Variants in UBE4B observed in about 807,000 individuals in gnomAD.
The protein encoded by UBE4B is ubiquitin conjugation factor E4 B.
UBE4B carries 27 observed loss-of-function variants against 148.1 expected under a neutral mutation model. That is an observed-to-expected ratio of 0.18 (90% CI 0.13 to 0.25). UBE4B has a LOEUF of 0.25. UBE4B is among the 10% of genes least tolerant of loss of function. The pLI is 1.00. For synonymous variants in UBE4B, 596 were observed against 619.3 expected (o/e 0.96, Z 0.56); for missense variants, 1,170 against 1,662.4 (o/e 0.70, Z 5.15).
At chr1:10,140,915 A>G (rs1398618390) in intron 17 of UBE4B, among the ~76,000 whole-genome samples, 1 of 152,210 alleles carries the variant, frequency 6.6e-6, no homozygotes, top group East Asian at 1.9e-4. Flanking sequence ...TTCATTCAGT[A>G]TAGGTCACTG....
In UBE4B at chr1:10,039,275, C is replaced by T. The variant is rs140360856; in HGVS notation, c.24+5581C>T. On this transcript the variant is annotated intron_variant, in intron 1 of 27. Coordinates refer to ENST00000343090, the MANE Select transcript of UBE4B (RefSeq NM_001105562.3). ...ACTTTCAAGAAAAAGTGATACTTAA[C>T]GCTGAGTAGCAGTTGCCCTGGGAAC... 9.6e-4 allele frequency among the ~76,000 whole-genome samples: 146 copies of T among 152,156 alleles called. 3 individuals are homozygous for T. The highest frequency in any genetic ancestry group is 9.4e-4 in the Non-Finnish European group (64 of 68,016).
At chr1:10,065,113 C>G (rs1644363502) in intron 1 of UBE4B, among the ~76,000 whole-genome samples, 1 of 152,110 alleles carries the variant, frequency 6.6e-6, no homozygotes, top group Non-Finnish European at 1.5e-5. Context: ...CTAGATTCAT[C>G]AGTTTATTTT....
chr1:10,139,729 T>C (rs1645755665), intron 17 of UBE4B, among the ~76,000 whole-genome samples: 1 of 152,170 alleles, frequency 6.6e-6, no homozygotes, highest in Non-Finnish European at 1.5e-5. Context: ...TTTATTTTAG[T>C]TTTTGAGAGG....
intron 20 of UBE4B, among the ~76,000 whole-genome samples, chr1:10,149,840 G>A (rs976716926): frequency 6.6e-6 from 1 of 152,070 alleles, no homozygotes; most frequent in Non-Finnish European, 1.5e-5. Context: ...TGAGGGAGTG[G>A]TATGTGAAGT....
chr1:10,151,926 C>G (rs897912300), intron 21 of UBE4B, among the ~76,000 whole-genome samples: 3 of 152,066 alleles, frequency 2.0e-5, no homozygotes, highest in Non-Finnish European at 4.4e-5. Flanking sequence ...CTATAACCCA[C>G]TTTCCAAAGT....
rs72859578 is a variant in UBE4B, at chr1:10,033,012, G to A, written c.-659G>A. 6.6e-6 allele frequency: 1 copy of A among 152,214 alleles called. No homozygotes were observed. The highest frequency in any genetic ancestry group is 1.5e-5 in the Non-Finnish European group (1 of 68,052). The allele number at this position is 152,214 out of a possible 1,614,324, so 9.4% of individuals were successfully genotyped here. A position where few individuals can be genotyped will look rare whatever the true frequency, so the allele number is the denominator to read the frequency against. ...TGATGAATAATACTTGGTGGGGCGAGGGGGAAAGAGTAGGGGTGGAGGGGT... is the reference window on the plus strand; with the variant it reads ...TGATGAATAATACTTGGTGGGGCGAAGGGGAAAGAGTAGGGGTGGAGGGGT... On this transcript the variant is annotated 5_prime_UTR_variant, in exon 1 of 28. Coordinates refer to ENST00000343090, the MANE Select transcript of UBE4B (RefSeq NM_001105562.3).
At chr1:10,145,599 C>CA (rs1289835140) in intron 18 of UBE4B, 4,613 of 145,908 alleles carry the variant, frequency 0.032, 228 homozygotes, top group African/African-American at 0.11. Context: ...GACTCCGTCT[C>CA]AAAAAAAAAA....
intron 21 of UBE4B, 118 bp downstream of exon 21, chr1:10,151,679 G>T: frequency 1.2e-6 from 1 of 862,662 alleles, no homozygotes; most frequent in Non-Finnish European, 1.8e-6. Context: ...TGTGTGTATA[G>T]CCTACTAACC....
intron 1 of UBE4B, among the ~76,000 whole-genome samples, chr1:10,045,842 A>C (rs1293473031): frequency 6.6e-6 from 1 of 152,162 alleles, no homozygotes; most frequent in African/African-American, 2.4e-5. Flanking sequence ...TTGCATGTGG[A>C]GTATGAAAGA....
chr1:10,169,879 G>T (rs1464472122), intron 24 of UBE4B, among the ~76,000 whole-genome samples: 1 of 152,200 alleles, frequency 6.6e-6, no homozygotes, highest in African/African-American at 2.4e-5. Flanking sequence ...GCCAGGCGTG[G>T]TAGTGCATGC....
chr1:10,107,291 A>T (rs1318198263), intron 7 of UBE4B: 7 of 1,289,402 alleles, frequency 5.4e-6, no homozygotes, highest in Non-Finnish European at 7.1e-6. Flanking sequence ...AAGAAGATGA[A>T]GAAGAAGATG....
intron 25 of UBE4B, among the ~76,000 whole-genome samples, chr1:10,173,854 G>A (rs1289336664): frequency 2.6e-5 from 4 of 152,250 alleles, no homozygotes; most frequent in Non-Finnish European, 5.9e-5. Flanking sequence ...GTGAGGTGAT[G>A]CAAAGCAACT....
intron 7 of UBE4B, among the ~76,000 whole-genome samples, chr1:10,108,255 A>G (rs1308939567): frequency 1.3e-5 from 2 of 150,922 alleles, no homozygotes. Context: ...CCATCGAAGA[A>G]CATATGAGGT....
At chr1:10,113,201 G>A (rs886107109) in intron 7 of UBE4B, among the ~76,000 whole-genome samples, 2 of 152,176 alleles carry the variant, frequency 1.3e-5, no homozygotes, top group Admixed American at 1.3e-4. Context: ...GAGAGCAGGA[G>A]CAACAGAGAG....
chr1:10,139,886 G>A (rs758917857), intron 17 of UBE4B, among the ~76,000 whole-genome samples: 5 of 151,988 alleles, frequency 3.3e-5, no homozygotes, highest in South Asian at 2.1e-4. Flanking sequence ...GTGCCACCAC[G>A]CCCAGCTAAT....
chr1:10,066,084 CGTACCTCCCTCCCTTT>C (rs1475722986), intron 1 of UBE4B, among the ~76,000 whole-genome samples: 2 of 133,022 alleles, frequency 1.5e-5, no homozygotes, highest in African/African-American at 2.8e-5. Flanking sequence ...TCTCTACCTT[CGTACCTCCCTCCCTTT>C]GTACCTCCCT....
intron 1 of UBE4B, among the ~76,000 whole-genome samples, chr1:10,046,909 CT>C (rs1222832530): frequency 1.3e-5 from 2 of 152,212 alleles, no homozygotes; most frequent in East Asian, 3.8e-4. Flanking sequence ...AATTGGCAAG[CT>C]TTGGCTTGAG....
At chr1:10,175,440 A>G (rs899126282) in intron 25 of UBE4B, among the ~76,000 whole-genome samples, 1 of 151,802 alleles carries the variant, frequency 6.6e-6, no homozygotes. Flanking sequence ...TCACAAGGTC[A>G]GGAGATCGAG....
intron 1 of UBE4B, among the ~76,000 whole-genome samples, chr1:10,066,315 G>GA (rs1487860582): frequency 1.3e-5 from 2 of 151,162 alleles, no homozygotes; most frequent in African/African-American, 4.9e-5. Flanking sequence ...ATTGGGGGGG[G>GA]AGGGGGTCTT....
Sources: allele counts gnomAD v4.1 joint callset (sites outside exome capture counted in the v4.1 genomes callset), GRCh38; gene constraint gnomAD v4.1.1; transcripts MANE v1.5; gene names NCBI Gene and HGNC (gene_info 2026-07-23, HGNC 2026-07-21).